PKD1: variants seen among roughly 807,000 people sequenced by gnomAD.
PKD1 encodes the protein polycystin 1, transient receptor potential channel interacting, also known as polycystin-1.
PKD1 carries 81 observed loss-of-function variants against 361.7 expected under a neutral mutation model. That is an observed-to-expected ratio of 0.22 (90% CI 0.19 to 0.27). The LOEUF (loss-of-function observed/expected upper bound fraction) is 0.27. PKD1 is among the 10% of genes least tolerant of loss of function. The pLI, the probability that PKD1 is intolerant of heterozygous loss-of-function variation, is 1.00. For synonymous variants in PKD1, 3,615 were observed against 2,818.3 expected, an observed-to-expected ratio of 1.28 and a Z score of -8.95; for missense variants, 6,399 against 6,118.3, an observed-to-expected ratio of 1.05 and a Z score of -1.53.
At position 2,103,584 on chromosome 16, in the gene PKD1, G is replaced by A. The variant is rs138058871; in HGVS notation, c.8473C>T (p.Leu2825Phe). ...GGATTGGAGTCCACCAGAAAGATGA[G>A]CTGCACCACGTCACTGAGGTTGGCC... Reference protein sequence around the residue: ...ALANLSDVVQLIFLVDSNPFP... With the variant: ...ALANLSDVVQFIFLVDSNPFP... The change falls in exon 23 of 46, where the codon CTC becomes TTC. Residue 2825 changes from leucine (L) to phenylalanine (F), a missense_variant. By Grantham distance (22) the Leu-to-Phe change is conservative. Transcript: ENST00000262304. 147 of 1,610,180 alleles carry A rather than the reference G, an allele frequency of 9.1e-5. No individual in the cohort carries two copies. The highest frequency in any genetic ancestry group is 1.1e-4 in the Non-Finnish European group (132 of 1,179,644).
chr16:2,089,185 A>AGGTGTTGGGGGAGGCC lies in PKD1; in HGVS notation c.*526_*541dup, dbSNP rs1264780194. On this transcript the variant is annotated 3_prime_UTR_variant, in exon 46 of 46. Transcript: ENST00000262304. ...CGCCACCACACCTACCAAGCGCAGCAGGTGTTGGGGGAGGCCAGCTCTGGG... is the reference window on the plus strand; with the variant it reads ...CGCCACCACACCTACCAAGCGCAGCAGGTGTTGGGGGAGGCCGGTGTTGGGGGAGGCCAGCTCTGGG... 2 of 173,594 alleles carry AGGTGTTGGGGGAGGCC rather than the reference A, an allele frequency of 1.2e-5. No individual in the cohort carries two copies. The highest frequency in any genetic ancestry group is 2.4e-5 in the African/African-American group (1 of 41,866). The allele number at this position is 173,594 out of a possible 1,614,324, so 10.8% of individuals were successfully genotyped here. A position where few individuals can be genotyped will look rare whatever the true frequency, so the allele number is the denominator to read the frequency against.
chr16:2,109,742 C>A lies in PKD1; in HGVS notation c.5425G>T (p.Ala1809Ser). Residue 1809 changes from alanine to serine, a missense_variant, in exon 15 of 46, where the codon GCC (alanine) becomes TCC (serine). Transcript: ENST00000262304. Reference sequence around the variant, plus strand: ...ACGAAGCTGCCTCCGGGCTCGCTGGCCCTGATGCTGAGGCCACTCACAGGC... The same window carrying A: ...ACGAAGCTGCCTCCGGGCTCGCTGGACCTGATGCTGAGGCCACTCACAGGC... ...QVPVSGLSIR[A>S]SEPGGSFVAA... 6.2e-7 allele frequency: 1 copy of A among 1,608,972 alleles called. No individual in the cohort carries two copies. Among genetic ancestry groups the A allele is most frequent in the Non-Finnish European group, 8.5e-7 (1 of 1,179,064 alleles).
rs1327407759 is a variant in PKD1, at chr16:2,110,711, G to A, written c.4456C>T (p.Leu1486=). ...SLGLELQQPY[L]FSAVGRGRPA... ...CGCCCACGGCCCACAGCAGAGAACA[G>A]GTACGGCTGCTGCAGCTCCAGCCCA... The change falls in exon 15 of 46, where the codon CTG becomes TTG. Residue 1486 remains leucine (L), a synonymous_variant. Coordinates refer to ENST00000262304, the MANE Select transcript of PKD1 (RefSeq NM_001009944.3). 6 of 1,610,200 alleles carry A rather than the reference G, an allele frequency of 3.7e-6. No individual in the cohort carries two copies. The highest frequency in any genetic ancestry group is 4.2e-6 in the Non-Finnish European group (5 of 1,179,598).
At chr16:2,131,794 G>A (rs951175840) in intron 1 of PKD1, 3 of 152,104 alleles carry the variant, frequency 2.0e-5, no homozygotes, top group Admixed American at 6.6e-5. Flanking sequence ...TTGTCCTCCA[G>A]CCTGGGTGAC....
At position 2,094,223 on chromosome 16, in the gene PKD1, G is replaced by A; in HGVS notation, c.10500-13C>T. On this transcript the variant is annotated splice_polypyrimidine_tract_variant and intron_variant, in intron 34 of 45. Transcript: ENST00000262304. ...AGGAGTGCTGGACCTGAGGGACATG[G>A]TAGGCTGTGAATTCATCCCGGCCTC... is the stretch of plus-strand genomic sequence containing the variant. 1.3e-6 allele frequency: 2 copies of A among 1,509,206 alleles called. No individual in the cohort carries two copies. The highest frequency in any genetic ancestry group is 1.8e-6 in the Non-Finnish European group (2 of 1,086,918). The allele number at this position is 1,509,206 out of a possible 1,614,324, so 93.5% of individuals were successfully genotyped here. A position where few individuals can be genotyped will look rare whatever the true frequency, so the allele number is the denominator to read the frequency against.
rs557247240 is a variant in PKD1 at position 2,116,777 on chromosome 16, C to G, written c.1606+56G>C. On this transcript the variant is annotated intron_variant, in intron 7 of 45. Coordinates refer to ENST00000262304, the MANE Select transcript of PKD1 (RefSeq NM_001009944.3). ...CAGCCCAGGCTCCACCGCGGGCGCT[C>G]GGCAGGCCCCTAACCACAGCCAGCG... The G allele has an allele frequency of 1.7e-4, 200 of 1,196,222 alleles. 3 individuals are homozygous for G. The South Asian group carries it at 2.6e-3, about 15-fold the overall frequency. 74.1% of individuals were successfully genotyped at this position (1,196,222 alleles called of 1,614,324 possible).
intron 16 of PKD1, chr16:2,107,513 G>A (rs1057144465): frequency 1.5e-5 from 6 of 394,072 alleles, no homozygotes; most frequent in African/African-American, 1.2e-4. Flanking sequence ...GGGTCACCAA[G>A]CCTCCTGGCC....
At chr16:2,103,199 T>C in intron 23 of PKD1, 67 bp downstream of exon 23, 8 of 1,518,288 alleles carry the variant, frequency 5.3e-6, no homozygotes, top group Non-Finnish European at 7.2e-6. Context: ...ATGGAAGCCC[T>C]ACGAGAAACG....
At chr16:2,105,811 T>C in intron 20 of PKD1, 54 bp downstream of exon 20, 1 of 1,554,456 alleles carries the variant, frequency 6.4e-7, no homozygotes, top group Non-Finnish European at 8.8e-7. Flanking sequence ...GTACAGGTCT[T>C]GGTCCCAAGC....
chr16:2,094,615 GTTTA>G (rs950180572), intron 34 of PKD1: 1 of 277,370 alleles, frequency 3.6e-6, no homozygotes, highest in African/African-American at 2.2e-5. Context: ...TCCCATGCAG[GTTTA>G]TGGCCTAAAA....
chr16:2,134,515 G>A (rs1317842677), intron 1 of PKD1, among the ~76,000 whole-genome samples: 1 of 140,940 alleles, frequency 7.1e-6, no homozygotes, highest in Non-Finnish European at 1.5e-5. Context: ...CAGCGCTGGG[G>A]ACAACTGTCT....
chr16:2,090,460 A>T lies in PKD1; in HGVS notation c.12269T>A (p.Leu4090His), dbSNP rs776693889. 3 of 1,612,366 alleles carry T rather than the reference A, an allele frequency of 1.9e-6. No homozygotes were observed. The highest frequency in any genetic ancestry group is 1.1e-5 in the South Asian group (1 of 91,070). ...GGCGCCCCACAGCCGCAGTGCCCAG[A>T]GCCCCACACACAGCAGGGGTGACAG... is the stretch of plus-strand genomic sequence containing the variant. ...WHLSPLLCVG[L>H]WALRLWGALR... is the part of the protein sequence containing the mutation. The change falls in exon 45 of 46, where the codon CTC becomes CAC. Residue 4090 changes from leucine to histidine, a missense_variant. Leu to His is a moderately conservative substitution (Grantham distance 99). Coordinates refer to ENST00000262304, the MANE Select transcript of PKD1 (RefSeq NM_001009944.3).
At chr16:2,102,755 A>G (rs1350891707) in intron 24 of PKD1, 59 bp downstream of exon 24, 6 of 1,604,858 alleles carry the variant, frequency 3.7e-6, no homozygotes, top group Middle Eastern at 2.3e-4. Flanking sequence ...CCAGTAACCC[A>G]GGCAATGCTG....
intron 41 of PKD1, 27 bp downstream of exon 41, chr16:2,091,754 G>A (rs751107765): frequency 7.7e-5 from 124 of 1,608,408 alleles, no homozygotes; most frequent in African/African-American, 1.1e-4. Context: ...CGGCCACCCC[G>A]GAGAGGGCAG....
chr16:2,120,494 G>A lies in PKD1; in HGVS notation c.216-1116C>T, dbSNP rs1596596310. On this transcript the variant is annotated intron_variant, in intron 1 of 45. Transcript: ENST00000262304. ...AAACCCAGTGCTTTGGGAAGGCCAG[G>A]AGTTTGAGACCAGGATGGACAGCAT... is the stretch of plus-strand genomic sequence containing the variant. 2.0e-5 allele frequency among the ~76,000 whole-genome samples: 3 copies of A among 152,136 alleles called. No individual in the cohort carries two copies. The South Asian group carries it at 6.2e-4, about 32-fold the overall frequency.
At chr16:2,123,682 T>C (rs972482505) in intron 1 of PKD1, among the ~76,000 whole-genome samples, 1 of 151,552 alleles carries the variant, frequency 6.6e-6, no homozygotes, top group African/African-American at 2.4e-5. Context: ...GGCCCAGGCA[T>C]CTGGCAGCAG....
chr16:2,100,538 C>T lies in PKD1; in HGVS notation c.9426G>A (p.Leu3142=), dbSNP rs767095535. The change falls in exon 27 of 46, where the codon CTG becomes CTA. Residue 3142 remains leucine (L), a synonymous_variant. Transcript: ENST00000262304. This position sits in a 1 kb window ranked among gnomAD's most constrained non-coding sequence, Gnocchi z 4.4. ...GGCCGCTCCGGCTGTCCACCCCATA[C>T]AGCATGATGCCCACGTGGGCCGTGG... The part of the protein sequence containing the change: ...SGTTAHVGIM[L]YGVDSRSGHR... The T allele has an allele frequency of 2.5e-6, 4 of 1,610,654 alleles. No homozygotes were observed. Among genetic ancestry groups the T allele is most frequent in the Middle Eastern group, 2.3e-4 (1 of 4,430 alleles).
intron 39 of PKD1, 61 bp from the exon 40 acceptor site, chr16:2,092,249 T>A (rs1338969019): frequency 6.6e-7 from 1 of 1,525,714 alleles, no homozygotes; most frequent in East Asian, 2.5e-5. Flanking sequence ...CAGGAGTGTT[T>A]CCTGCTGGCC....
At chr16:2,096,962 G>A (rs368923434) in intron 34 of PKD1, 186 bp downstream of exon 34, 4 of 613,784 alleles carry the variant, frequency 6.5e-6, no homozygotes, top group Admixed American at 2.6e-5. Flanking sequence ...GGAAGGTTCT[G>A]GGGCCCTGGG....
Sources: allele counts gnomAD v4.1 joint callset (sites outside exome capture counted in the v4.1 genomes callset), GRCh38; gene constraint gnomAD v4.1.1; non-coding constraint Gnocchi (gnomAD v3.1); transcripts MANE v1.5; gene names NCBI Gene and HGNC (gene_info 2026-07-23, HGNC 2026-07-21).